Variants in SPATC1 observed in about 807,000 individuals in gnomAD.
The protein encoded by SPATC1 is spermatogenesis and centriole associated 1.
A neutral mutation model predicts 36.5 loss-of-function variants in SPATC1; 35 were observed. The observed-to-expected ratio is 0.96, with a 90% CI of 0.73 to 1.27. SPATC1 has a LOEUF of 1.27. SPATC1 is among the 50% of genes most tolerant of loss of function. The pLI is 0.00. For missense variants in SPATC1, 779 were observed against 796.0 expected (o/e 0.98, Z 0.26); for synonymous variants, 361 against 353.6 (o/e 1.02, Z -0.24).
chr8:144,038,611 A>G (rs7835568), intron 1 of SPATC1, among the ~76,000 whole-genome samples: 17,806 of 151,604 alleles, frequency 0.12, 2,988 homozygotes, highest in African/African-American at 0.37. Context: ...AGTAGCTGGG[A>G]CTACAGGTGT....
chr8:144,012,727 G>A lies in SPATC1; in HGVS notation c.211+1G>A, dbSNP rs2133090459. Reference sequence around the variant, plus strand: ...GGCCTTTCCTCACGCCAGAACAATGGTAAGAGGCCTCGCTCCCAAGAGAGT... The same window carrying A: ...GGCCTTTCCTCACGCCAGAACAATGATAAGAGGCCTCGCTCCCAAGAGAGT... On this transcript the variant is annotated splice_donor_variant, in intron 1 of 4. Transcript: ENST00000377470. LOFTEE classifies it high-confidence loss of function. The A allele has an allele frequency of 3.2e-6, 5 of 1,551,714 alleles. No homozygotes were observed. In the East Asian group the frequency reaches 1.2e-4, roughly 38 times the overall value.
rs782177594 is a variant in SPATC1, at chr8:144,046,739, T to G, written c.1559T>G (p.Val520Gly). ...RLQSLGYNGR[V>G]HPALTEQLVN... ...CAGAGTCTGGGCTACAACGGGCGGG[T>G]GCACCCTGCGCTGACCGAGCAGCTG... Residue 520 changes from valine (V) to glycine (G), a missense_variant, in exon 5 of 5, where the codon GTG becomes GGG. By Grantham distance (109) the Val-to-Gly change is moderately radical. Transcript: ENST00000377470. The surrounding 1 kb of genome is among the most constrained non-coding windows in gnomAD (Gnocchi z 6.6). 5.6e-6 allele frequency: 9 copies of G among 1,612,238 alleles called. No individual in the cohort carries two copies. The highest frequency in any genetic ancestry group is 1.3e-5 in the African/African-American group (1 of 75,044).
Position 144,012,645 on chromosome 8 carries a change from C to CA in SPATC1, c.131dup (p.Ala45GlyfsTer15). The CA allele has an allele frequency of 6.4e-7, 1 of 1,551,732 alleles. No individual in the cohort carries two copies. Among genetic ancestry groups the CA allele is most frequent in the Non-Finnish European group, 8.7e-7 (1 of 1,146,998 alleles). ...CGAGCTCAAGTCAGCGATCAAGACT[C>CA]AGGCAGGCGGGCTCGGCATCAGCGG... On this transcript the variant is annotated frameshift_variant, in exon 1 of 5. Coordinates refer to ENST00000377470, the MANE Select transcript of SPATC1 (RefSeq NM_198572.3). LOFTEE classifies it high-confidence loss of function.
chr8:144,041,399 AG>A (rs1554756070), intron 4 of SPATC1, 28 bp downstream of exon 4: 1 of 1,600,654 alleles, frequency 6.2e-7, no homozygotes, highest in Non-Finnish European at 8.5e-7. Context: ...CTGCAGGGAC[AG>A]GGGGCAGGTT....
chr8:144,040,712 C>A lies in SPATC1; in HGVS notation c.911C>A (p.Ser304Ter), dbSNP rs374196194. 2.9e-5 allele frequency: 47 copies of A among 1,613,578 alleles called. No homozygotes were observed. Among genetic ancestry groups the A allele is most frequent in the Non-Finnish European group, 7.6e-6 (9 of 1,179,950 alleles). ...AAGACGGCCTTCTCCTTCAACACTT[C>A]GGACACACAGGCCCAGCCCAGTGCC... ...APKTAFSFNT[S>*]DTQAQPSAAQ... Residue 304 changes from serine (S) to a stop codon, truncating the protein, a stop_gained, in exon 3 of 5, where the codon TCG (serine) becomes TAG (stop). Transcript: ENST00000377470. LOFTEE classifies it high-confidence loss of function.
At chr8:144,042,809 C>G (rs1334033971) in intron 4 of SPATC1, among the ~76,000 whole-genome samples, 2 of 151,998 alleles carry the variant, frequency 1.3e-5, no homozygotes, top group African/African-American at 4.8e-5. Context: ...AATCCTGTTA[C>G]AGGCCTGTGT....
rs527881198 is a variant in SPATC1 at position 144,043,685 on chromosome 8, ATT to A, written c.1446+2334_1446+2335del. ...GCCACTGCACTGGCCTATGGACTAC[ATT>A]TTTTTTTTTTTTTTTTTTTACATAA... On this transcript the variant is annotated intron_variant, in intron 4 of 4. Transcript: ENST00000377470. Among the ~76,000 whole-genome samples, 565 of 129,856 alleles carry A rather than the reference ATT, an allele frequency of 4.4e-3. 3 individuals carry two copies. The highest frequency in any genetic ancestry group is 0.013 in the African/African-American group (468 of 34,822). 85.2% of individuals were successfully genotyped at this position (129,856 alleles called of 152,430 possible).
At chr8:144,026,104 C>G (rs1297196860) in intron 1 of SPATC1, among the ~76,000 whole-genome samples, 1 of 152,128 alleles carries the variant, frequency 6.6e-6, no homozygotes, top group South Asian at 2.1e-4. Flanking sequence ...CTCACCACCC[C>G]CTCCCCAGCT....
chr8:144,034,884 G>A (rs890564545), intron 1 of SPATC1, among the ~76,000 whole-genome samples: 16 of 152,078 alleles, frequency 1.1e-4, no homozygotes, highest in Non-Finnish European at 2.1e-4. Context: ...GCCTCCCAAA[G>A]TGCTGGGATT....
At position 144,040,492 on chromosome 8, in the gene SPATC1, A is replaced by C. The variant is rs1361497239; in HGVS notation, c.766+29A>C. ...ACAGGTGTGGTGGGTGGTGGGTGGC[A>C]GAGTGGGGGGGGGCAGAGCCCTCCC... is the stretch of plus-strand genomic sequence containing the variant. On this transcript the variant is annotated intron_variant, in intron 2 of 4. Coordinates refer to ENST00000377470, the MANE Select transcript of SPATC1 (RefSeq NM_198572.3). The C allele has an allele frequency of 1.9e-6, 3 of 1,566,182 alleles. No homozygotes were observed. In the African/African-American group the frequency reaches 4.1e-5, roughly 21 times the overall value.
At position 144,040,177 on chromosome 8, in the gene SPATC1, C is replaced by A; in HGVS notation, c.480C>A (p.Pro160=). The stretch of plus-strand genomic sequence containing the variant: ...CACTGGCCAGTTCCCTGGGCCTGCC[C>A]TCCACTGGCACCCTGACTCCCAGCA... ...TGTLASSLGL[P]STGTLTPSSL... The change falls in exon 2 of 5, where the codon CCC becomes CCA. Residue 160 remains proline (P), a synonymous_variant. Transcript: ENST00000377470. 6.2e-7 allele frequency: 1 copy of A among 1,611,384 alleles called. No homozygotes were observed. The highest frequency in any genetic ancestry group is 8.5e-7 in the Non-Finnish European group (1 of 1,179,456).
At chr8:144,040,513 C>G (rs781955328) in intron 2 of SPATC1, 50 bp downstream of exon 2, 2 of 1,562,572 alleles carry the variant, frequency 1.3e-6, no homozygotes. Context: ...GGGCAGAGCC[C>G]TCCCACCTCA....
At chr8:144,033,422 A>G (rs1834837669) in intron 1 of SPATC1, among the ~76,000 whole-genome samples, 1 of 152,142 alleles carries the variant, frequency 6.6e-6, no homozygotes, top group East Asian at 1.9e-4. Context: ...AGAAAGAAAG[A>G]AAAGTTAAAA....
intron 1 of SPATC1, among the ~76,000 whole-genome samples, chr8:144,030,134 T>C (rs1045259291): frequency 2.0e-5 from 3 of 152,244 alleles, no homozygotes; most frequent in Non-Finnish European, 4.4e-5. Flanking sequence ...GATTACTATT[T>C]GCATGGAATA....
At chr8:144,025,909 T>C (rs2133117871) in intron 1 of SPATC1, among the ~76,000 whole-genome samples, 1 of 152,332 alleles carries the variant, frequency 6.6e-6, no homozygotes, top group African/African-American at 2.4e-5. Flanking sequence ...AGTGAATCTT[T>C]TTTAAATGAC....
intron 1 of SPATC1, among the ~76,000 whole-genome samples, chr8:144,038,052 C>CG (rs539873935): frequency 0.016 from 2,357 of 150,242 alleles, 72 homozygotes; most frequent in African/African-American, 0.054. Context: ...GCGTGAACCC[C>CG]GGGGGGCGGA....
chr8:144,036,139 G>A (rs1834893934), intron 1 of SPATC1, among the ~76,000 whole-genome samples: 1 of 152,144 alleles, frequency 6.6e-6, no homozygotes, highest in African/African-American at 2.4e-5. Context: ...GCTGGGAGTG[G>A]TGGCTCGCAA....
At chr8:144,035,059 A>T (rs1834870787) in intron 1 of SPATC1, among the ~76,000 whole-genome samples, 3 of 152,152 alleles carry the variant, frequency 2.0e-5, no homozygotes, top group African/African-American at 7.3e-5. Flanking sequence ...ACATTTGAAC[A>T]TTTCATGATT....
intron 1 of SPATC1, among the ~76,000 whole-genome samples, chr8:144,020,520 C>A: frequency 6.7e-6 from 1 of 149,528 alleles, no homozygotes; most frequent in East Asian, 2.0e-4. Flanking sequence ...GACCCTCTCC[C>A]CTCAGAACCC....
Sources: gnomAD v4.1 joint callset for allele counts (sites outside exome capture counted in the v4.1 genomes callset) on GRCh38, gnomAD v4.1.1 for gene constraint, Gnocchi (gnomAD v3.1) non-coding constraint, MANE v1.5 for transcripts, NCBI Gene and HGNC (gene_info 2026-07-23, HGNC 2026-07-21) for gene names.